DIS3L2: variants seen among roughly 807,000 people sequenced by gnomAD.
DIS3L2 encodes the protein DIS3 like 3'-5' exoribonuclease 2.
A neutral mutation model predicts 97.5 loss-of-function variants in DIS3L2; 34 were observed. The ratio of observed to expected loss-of-function variants is 0.35; its 90% confidence interval spans 0.27 to 0.46. DIS3L2 has a LOEUF of 0.46. DIS3L2 is among the 20% of genes least tolerant of loss of function. The pLI is 1.00. For missense variants in DIS3L2, 1,038 were observed against 1,146.0 expected (o/e 0.91, Z 1.36); for synonymous variants, 435 against 445.2 (o/e 0.98, Z 0.29).
intron 5 of DIS3L2, among the ~76,000 whole-genome samples, chr2:232,079,401 C>G (rs1451906710): frequency 6.6e-6 from 1 of 151,608 alleles, no homozygotes; most frequent in Admixed American, 6.6e-5. Context: ...TCAAGACTAT[C>G]CTGGCTAACA....
At chr2:232,095,324 GT>G (rs1261516464) in intron 6 of DIS3L2, among the ~76,000 whole-genome samples, 1 of 151,972 alleles carries the variant, frequency 6.6e-6, no homozygotes. Flanking sequence ...TTTGTTGTAT[GT>G]TTTTTGATTT....
At chr2:232,245,811 G>T (rs1281082080) in intron 11 of DIS3L2, among the ~76,000 whole-genome samples, 1 of 152,138 alleles carries the variant, frequency 6.6e-6, no homozygotes, top group Non-Finnish European at 1.5e-5. Flanking sequence ...GCATGTGCTG[G>T]TAAGTTTTAG....
chr2:232,156,836 A>T (rs570759671), intron 8 of DIS3L2, among the ~76,000 whole-genome samples: 4 of 151,950 alleles, frequency 2.6e-5, no homozygotes, highest in African/African-American at 9.7e-5. Flanking sequence ...AATAAACTCT[A>T]TGTGGTATAT....
At chr2:232,249,176 C>T (rs1046573953) in intron 11 of DIS3L2, 63 bp from the exon 12 acceptor site, 2 of 1,525,246 alleles carry the variant, frequency 1.3e-6, no homozygotes, top group Admixed American at 1.8e-5. Context: ...CAAAACTCTG[C>T]CCACTGGGCT....
At chr2:232,084,202 C>G (rs1160180608) in intron 5 of DIS3L2, among the ~76,000 whole-genome samples, 1 of 152,084 alleles carries the variant, frequency 6.6e-6, no homozygotes, top group Non-Finnish European at 1.5e-5. Context: ...GAAAACAAGG[C>G]TTATGTGGTA....
intron 6 of DIS3L2, among the ~76,000 whole-genome samples, chr2:232,130,168 A>T (rs1698177850): frequency 6.6e-6 from 1 of 152,256 alleles, no homozygotes; most frequent in East Asian, 1.9e-4. Flanking sequence ...ATTTTCCACC[A>T]TTTTGTTTGT....
rs890117663 is a variant in DIS3L2 at position 232,077,305 on chromosome 2, A to G, written c.367-10182A>G. The stretch of plus-strand genomic sequence containing the variant: ...CTTAGTGCCCAATTTTACCTTCCAA[A>G]AAAAAAAAAAACAGTAGATAGATTA... On this transcript the variant is annotated intron_variant, in intron 5 of 20. Transcript: ENST00000325385. 4.9e-4 allele frequency among the ~76,000 whole-genome samples: 65 copies of G among 132,274 alleles called. 1 individual carries two copies. In the East Asian group the frequency reaches 0.013, roughly 26 times the overall value. The allele number at this position is 132,274 out of a possible 152,430, so 86.8% of individuals were successfully genotyped here.
At chr2:232,201,814 A>C (rs1404286201) in intron 9 of DIS3L2, among the ~76,000 whole-genome samples, 2 of 152,224 alleles carry the variant, frequency 1.3e-5, no homozygotes, top group African/African-American at 4.8e-5. Flanking sequence ...ACACAAAACA[A>C]CCAGCTAGAC....
intron 5 of DIS3L2, among the ~76,000 whole-genome samples, chr2:232,042,315 GTTC>G (rs1695130696): frequency 2.6e-5 from 4 of 151,718 alleles, no homozygotes; most frequent in Non-Finnish European, 5.9e-5. Flanking sequence ...TGTGTTCCAA[GTTC>G]TTCTTTAAAT....
At chr2:232,224,978 A>G (rs1382580883) in intron 10 of DIS3L2, among the ~76,000 whole-genome samples, 1 of 152,250 alleles carries the variant, frequency 6.6e-6, no homozygotes, top group Non-Finnish European at 1.5e-5. Context: ...ATAAAAGAAG[A>G]TAACCAATGG....
At chr2:232,250,241 T>C (rs182811095) in intron 12 of DIS3L2, among the ~76,000 whole-genome samples, 27 of 152,238 alleles carry the variant, frequency 1.8e-4, no homozygotes, top group African/African-American at 6.0e-4. Flanking sequence ...AAAAAAGATA[T>C]TTAATTATAA....
At chr2:232,055,836 T>C (rs1348443319) in intron 5 of DIS3L2, among the ~76,000 whole-genome samples, 2 of 152,196 alleles carry the variant, frequency 1.3e-5, no homozygotes, top group African/African-American at 4.8e-5. Context: ...CACTTGATTA[T>C]GATAAAGGGA....
intron 4 of DIS3L2, 50 bp downstream of exon 4, chr2:232,024,380 G>T (rs1559550628): frequency 2.9e-6 from 4 of 1,386,224 alleles, no homozygotes; most frequent in Non-Finnish European, 4.0e-6. Context: ...TAATTTTTTA[G>T]ATCTGCTCCG....
chr2:232,130,848 A>G, intron 7 of DIS3L2, 129 bp downstream of exon 7: 1 of 1,318,298 alleles, frequency 7.6e-7, no homozygotes, highest in Non-Finnish European at 9.9e-7. Flanking sequence ...AGAGAATCAT[A>G]AAAAGTGAAT....
intron 7 of DIS3L2, chr2:232,131,743 T>TTA (rs1698222344): frequency 6.6e-6 from 1 of 152,026 alleles, no homozygotes; most frequent in South Asian, 2.1e-4. Context: ...AGCAAGTTGA[T>TTA]TAATAGAGTA....
chr2:232,190,400 G>T (rs1286716314), intron 9 of DIS3L2, among the ~76,000 whole-genome samples: 1 of 152,174 alleles, frequency 6.6e-6, no homozygotes, highest in African/African-American at 2.4e-5. Context: ...TCAGTTGGGG[G>T]ATATGCCTAC....
At chr2:232,030,123 C>A in intron 5 of DIS3L2, 43 bp downstream of exon 5, 2 of 1,542,962 alleles carry the variant, frequency 1.3e-6, no homozygotes, top group South Asian at 1.1e-5. Flanking sequence ...TTCTTAGGGT[C>A]TTTCACATTC....
intron 1 of DIS3L2, among the ~76,000 whole-genome samples, chr2:231,996,548 G>A (rs147847003): frequency 2.6e-5 from 4 of 152,274 alleles, no homozygotes; most frequent in Non-Finnish European, 4.4e-5. Context: ...GAAACAATTT[G>A]AAACACACAA....
At chr2:231,983,900 A>G (rs1399793793) in intron 1 of DIS3L2, among the ~76,000 whole-genome samples, 1 of 151,952 alleles carries the variant, frequency 6.6e-6, no homozygotes, top group African/African-American at 2.4e-5. Flanking sequence ...AAAAAAAAAA[A>G]AAAGAAAAGA....
Sources: allele counts gnomAD v4.1 joint callset (sites outside exome capture counted in the v4.1 genomes callset), GRCh38; gene constraint gnomAD v4.1.1; transcripts MANE v1.5; gene names NCBI Gene and HGNC (gene_info 2026-07-23, HGNC 2026-07-21).